The following ZNF429 variants were observed in gnomAD, a reference collection of about 807,000 sequenced individuals.
ZNF429 encodes the protein zinc finger protein 429.
Under a neutral mutation model 56.8 loss-of-function variants are expected in ZNF429, and 53 were observed. That is an observed-to-expected ratio of 0.93 (90% CI 0.75 to 1.17). The LOEUF (loss-of-function observed/expected upper bound fraction) is 1.17. ZNF429 is among the 50% of genes most tolerant of loss of function. ZNF429 has a pLI of 0.00. For synonymous variants in ZNF429, 278 were observed against 264.7 expected (o/e 1.05, Z -0.49); for missense variants, 849 against 788.4 (o/e 1.08, Z -0.92).
At chr19:21,521,303 T>C (rs2681367) in intron 1 of ZNF429, 3 of 152,240 alleles carry the variant, frequency 2.0e-5, no homozygotes, top group African/African-American at 7.2e-5. Flanking sequence ...CAATCTCAGA[T>C]ACATTCCACT....
rs531427318 is a variant in ZNF429, at chr19:21,538,277, CAAAAAAAAAA to C, written c.*212_*221del. Among the ~76,000 whole-genome samples, 6 of 34,382 alleles carry C rather than the reference CAAAAAAAAAA, an allele frequency of 1.7e-4. No homozygotes were observed. The highest frequency in any genetic ancestry group is 5.5e-4 in the Admixed American group (1 of 1,832). The allele number at this position is 34,382 out of a possible 152,430, so 22.6% of individuals were successfully genotyped here. ...TGGGTGACAGAGCCAGACTCCATCT[CAAAAAAAAAA>C]AAAAAAAAAAAAGAAAAGAAAATTC... is the stretch of plus-strand genomic sequence containing the variant. On this transcript the variant is annotated 3_prime_UTR_variant, in exon 4 of 4. Coordinates refer to ENST00000358491, the MANE Select transcript of ZNF429 (RefSeq NM_001001415.4).
At chr19:21,513,860 ACC>A (rs2032614451) in intron 1 of ZNF429, among the ~76,000 whole-genome samples, 7 of 150,580 alleles carry the variant, frequency 4.6e-5, no homozygotes, top group East Asian at 2.0e-4. Flanking sequence ...TCACATACAC[ACC>A]CACTAGACAT....
chr19:21,537,866 T>C lies in ZNF429; in HGVS notation c.1813T>C (p.Ser605Pro). 6.2e-7 allele frequency: 1 copy of C among 1,614,020 alleles called. No homozygotes were observed. The highest frequency in any genetic ancestry group is 8.5e-7 in the Non-Finnish European group (1 of 1,180,008). ...CEECGKAFNRSSRLTQHKKIH... is the reference protein window; with the variant it reads ...CEECGKAFNRPSRLTQHKKIH... Reference sequence around the variant, plus strand: ...AGAATGTGGCAAAGCTTTTAATCGGTCCTCAAGACTTACTCAACATAAGAA... The same window carrying C: ...AGAATGTGGCAAAGCTTTTAATCGGCCCTCAAGACTTACTCAACATAAGAA... The change falls in exon 4 of 4, where the codon TCC (serine) becomes CCC (proline). Residue 605 changes from serine (S) to proline (P), a missense_variant. Ser to Pro is a moderately conservative substitution (Grantham distance 74). Coordinates refer to ENST00000358491, the MANE Select transcript of ZNF429 (RefSeq NM_001001415.4).
At chr19:21,532,246 G>GT in intron 3 of ZNF429, among the ~76,000 whole-genome samples, 3,991 of 150,584 alleles carry the variant, frequency 0.027, 169 homozygotes, top group African/African-American at 0.091. Flanking sequence ...AAATTTCAGT[G>GT]TTTTTTTTTT....
intron 3 of ZNF429, among the ~76,000 whole-genome samples, chr19:21,535,443 T>TCTTG: frequency 1.2e-5 from 1 of 86,694 alleles, no homozygotes; most frequent in African/African-American, 5.4e-5. Context: ...TTTCTTTCTT[T>TCTTG]CTTTCTTTCT....
chr19:21,519,797 T>C (rs1234951144), intron 1 of ZNF429, among the ~76,000 whole-genome samples: 1 of 152,146 alleles, frequency 6.6e-6, no homozygotes, highest in Non-Finnish European at 1.5e-5. Context: ...TAGTCTCCTA[T>C]TATTGTGTCA....
At chr19:21,524,100 C>G (rs2033079708) in intron 1 of ZNF429, among the ~76,000 whole-genome samples, 1 of 152,182 alleles carries the variant, frequency 6.6e-6, no homozygotes, top group South Asian at 2.1e-4. Context: ...GTCCAATGAC[C>G]TGCTTCAGTT....
At chr19:21,520,028 G>A (rs955697466) in intron 1 of ZNF429, among the ~76,000 whole-genome samples, 1 of 151,940 alleles carries the variant, frequency 6.6e-6, no homozygotes, top group African/African-American at 2.4e-5. Flanking sequence ...GCTGGTTTTT[G>A]TTTGTATTTT....
At chr19:21,515,545 A>G (rs1037087380) in intron 1 of ZNF429, among the ~76,000 whole-genome samples, 1 of 148,430 alleles carries the variant, frequency 6.7e-6, no homozygotes, top group Non-Finnish European at 1.5e-5. Context: ...TTGTCTGTTT[A>G]CTCTGATTTT....
chr19:21,533,692 G>C, intron 3 of ZNF429, among the ~76,000 whole-genome samples: 1 of 151,326 alleles, frequency 6.6e-6, no homozygotes, highest in African/African-American at 2.4e-5. Context: ...GTCTTGCTCT[G>C]TTGCCCAGGC....
chr19:21,522,742 C>A (rs561661431), intron 1 of ZNF429, among the ~76,000 whole-genome samples: 119 of 152,130 alleles, frequency 7.8e-4, no homozygotes, highest in African/African-American at 2.8e-3. Context: ...TAAAAAAATA[C>A]AAAAATTAGC....
chr19:21,518,252 G>A lies in ZNF429; in HGVS notation c.4-11406G>A, dbSNP rs142450322. On this transcript the variant is annotated intron_variant, in intron 1 of 3. Transcript: ENST00000358491. ...TTTGGTTATTTCTTGTCTTCTGCTA[G>A]CTCAGGGGCTGGTTTGCTCTTGCTT... Among the ~76,000 whole-genome samples the A allele has an allele frequency of 3.3e-3, 508 of 152,296 alleles. 2 individuals are homozygous for A. The highest frequency in any genetic ancestry group is 0.012 in the African/African-American group (495 of 41,562).
intron 1 of ZNF429, among the ~76,000 whole-genome samples, chr19:21,527,215 C>A (rs2033202523): frequency 6.6e-6 from 1 of 151,986 alleles, no homozygotes; most frequent in Non-Finnish European, 1.5e-5. Flanking sequence ...CATTTTGGAC[C>A]CTTTTCAGAC....
intron 1 of ZNF429, among the ~76,000 whole-genome samples, chr19:21,528,523 G>T (rs1172291311): frequency 6.6e-6 from 1 of 152,010 alleles, no homozygotes; most frequent in African/African-American, 2.4e-5. Flanking sequence ...TGACCAACAT[G>T]GTGAAACCCC....
Position 21,534,388 on chromosome 19 carries a change from T to A in ZNF429, c.227-1892T>A. ...TTTTGGTCTTTTAAATTTTATTTGT[T>A]GTTTTGAGACAGGAGCTTACTCTGT... On this transcript the variant is annotated intron_variant, in intron 3 of 3. Transcript: ENST00000358491. Among the ~76,000 whole-genome samples, 81 of 144,790 alleles carry A rather than the reference T, an allele frequency of 5.6e-4. 1 individual carries two copies. Among genetic ancestry groups the A allele is most frequent in the African/African-American group, 1.6e-3 (62 of 39,206 alleles). 95.0% of individuals were successfully genotyped at this position (144,790 alleles called of 152,430 possible). A position where few individuals can be genotyped will look rare whatever the true frequency, so the allele number is the denominator to read the frequency against.
At chr19:21,536,251 A>G in intron 3 of ZNF429, 29 bp from the exon 4 acceptor site, 1 of 1,531,154 alleles carries the variant, frequency 6.5e-7, no homozygotes, top group Non-Finnish European at 8.7e-7. Flanking sequence ...TAGTAAGTGA[A>G]GTAATTTGTT....
chr19:21,523,495 C>G (rs2033056111), intron 1 of ZNF429, among the ~76,000 whole-genome samples: 1 of 152,186 alleles, frequency 6.6e-6, no homozygotes, highest in East Asian at 1.9e-4. Flanking sequence ...TTACTATTGC[C>G]ACCAGTGGCT....
rs2033856171 is a variant in ZNF429 at position 21,539,722 on chromosome 19, C to T, written c.*1644C>T. 6.6e-6 allele frequency among the ~76,000 whole-genome samples: 1 copy of T among 151,944 alleles called. No individual in the cohort carries two copies. The highest frequency in any genetic ancestry group is 2.4e-5 in the African/African-American group (1 of 41,352). On this transcript the variant is annotated 3_prime_UTR_variant, in exon 4 of 4. Transcript: ENST00000358491. Reference sequence around the variant, plus strand: ...CTGGGATTGCAGCCATGAGCCACTGCACCCAGCCCAAAGTATGCTTTTAAA... The same window carrying T: ...CTGGGATTGCAGCCATGAGCCACTGTACCCAGCCCAAAGTATGCTTTTAAA...
chr19:21,523,838 C>T (rs2145448766), intron 1 of ZNF429, among the ~76,000 whole-genome samples: 1 of 151,810 alleles, frequency 6.6e-6, no homozygotes, highest in South Asian at 2.1e-4. Flanking sequence ...GCCAGAGCAG[C>T]CTCTATGAGG....
Sources: gnomAD v4.1 joint callset for allele counts (sites outside exome capture counted in the v4.1 genomes callset) on GRCh38, gnomAD v4.1.1 for gene constraint, MANE v1.5 for transcripts, NCBI Gene and HGNC (gene_info 2026-07-23, HGNC 2026-07-21) for gene names.